The following IQSEC1 variants were observed in gnomAD, a reference collection of about 807,000 sequenced individuals.
The protein encoded by IQSEC1 is IQ motif and Sec7 domain ArfGEF 1, also known as IQ motif and SEC7 domain-containing protein 1.
A neutral mutation model predicts 91.0 loss-of-function variants in IQSEC1; 31 were observed. The observed-to-expected ratio is 0.34, with a 90% CI of 0.26 to 0.46. IQSEC1 has a LOEUF of 0.46. Among genes scored for constraint, IQSEC1 ranks in the 20% least tolerant of loss-of-function variants. The pLI is 1.00. For missense variants in IQSEC1, 1,388 were observed against 1,575.6 expected, an observed-to-expected ratio of 0.88 and a Z score of 2.02; for synonymous variants, 699 against 662.6, an observed-to-expected ratio of 1.05 and a Z score of -0.84.
intron 1 of IQSEC1, among the ~76,000 whole-genome samples, chr3:13,205,156 C>T (rs910628303): frequency 2.6e-5 from 4 of 152,064 alleles, no homozygotes; most frequent in Non-Finnish European, 4.4e-5. Context: ...TGACTTGGTA[C>T]TGCTACAGCG....
rs376531283 is a variant in IQSEC1, at chr3:13,221,588, G to A, written c.273-57455C>T. Among the ~76,000 whole-genome samples, 5 of 151,908 alleles carry A rather than the reference G, an allele frequency of 3.3e-5. No individual in the cohort carries two copies. In the East Asian group the frequency reaches 5.9e-4, roughly 18 times the overall value. The stretch of plus-strand genomic sequence containing the variant: ...GGAGGCCCTCCCAAGGCAAACCCAG[G>A]GGCCTAACAAGCTCAGACACTGCAG... On this transcript the variant is annotated intron_variant, in intron 1 of 15. Coordinates refer to the IQSEC1 transcript ENST00000648114.
rs781407575 is a variant in IQSEC1 at position 12,899,973 on chromosome 3, T to C, written c.*1010A>G. The C allele has an allele frequency of 1.6e-4, 159 of 985,252 alleles. No individual in the cohort carries two copies. Among genetic ancestry groups the C allele is most frequent in the East Asian group, 1.1e-4 (1 of 8,806 alleles). 61.0% of individuals were successfully genotyped at this position (985,252 alleles called of 1,614,324 possible). ...AAATCATATGCGCATAAAAGAAACA[T>C]GGATCATGGAGAGTCACAGTTATCG... On this transcript the variant is annotated 3_prime_UTR_variant, in exon 14 of 14. Coordinates refer to ENST00000613206, the MANE Select transcript of IQSEC1 (RefSeq NM_001134382.3).
chr3:13,136,399 A>G lies in IQSEC1; in HGVS notation c.302+27705T>C, dbSNP rs573073566. On this transcript the variant is annotated intron_variant, in intron 2 of 15. Transcript: ENST00000648114. Reference sequence around the variant, plus strand: ...GGCCGGGAATGATCCCTTAAACGAGAAACAAAAAGCTCGCCAAGCATTAAA... The same window carrying G: ...GGCCGGGAATGATCCCTTAAACGAGGAACAAAAAGCTCGCCAAGCATTAAA... 3.9e-5 allele frequency among the ~76,000 whole-genome samples: 6 copies of G among 152,286 alleles called. No homozygotes were observed. The South Asian group carries it at 8.3e-4, about 21-fold the overall frequency.
chr3:13,260,227 A>C (rs1202872720), intron 1 of IQSEC1, among the ~76,000 whole-genome samples: 1 of 152,190 alleles, frequency 6.6e-6, no homozygotes, highest in Non-Finnish European at 1.5e-5. Context: ...CCAGAGGCTT[A>C]ATTTGTATGA....
intron 1 of IQSEC1, among the ~76,000 whole-genome samples, chr3:12,946,273 C>G (rs937315903): frequency 1.3e-5 from 2 of 152,202 alleles, no homozygotes; most frequent in African/African-American, 4.8e-5. Flanking sequence ...TCCCAAAAAC[C>G]CAGCCCATTG....
intron 12 of IQSEC1, among the ~76,000 whole-genome samples, chr3:12,903,531 C>T (rs1243854663): frequency 2.6e-5 from 4 of 152,256 alleles, no homozygotes; most frequent in Non-Finnish European, 4.4e-5. Context: ...GCCAGGAGGT[C>T]TCTGCCAGCA....
intron 1 of IQSEC1, among the ~76,000 whole-genome samples, chr3:12,948,490 CCCCAGCCCCTCAG>C (rs1346909048): frequency 6.6e-6 from 1 of 152,208 alleles, no homozygotes; most frequent in African/African-American, 2.4e-5. Flanking sequence ...GACAGTCCAA[CCCCAGCCCCTCAG>C]CCCAGACCTG....
chr3:13,236,078 CT>C (rs1694923608), intron 1 of IQSEC1, among the ~76,000 whole-genome samples: 1 of 152,176 alleles, frequency 6.6e-6, no homozygotes, highest in African/African-American at 2.4e-5. Context: ...ATGCCGGGCC[CT>C]GGCGCCGTGC....
At chr3:13,033,686 A>G (rs1210940559) in intron 1 of IQSEC1, among the ~76,000 whole-genome samples, 1 of 152,152 alleles carries the variant, frequency 6.6e-6, no homozygotes, top group African/African-American at 2.4e-5. Flanking sequence ...CCGTGTTTCA[A>G]TCTGAGTCTG....
chr3:13,184,829 A>T (rs967560895), intron 1 of IQSEC1, among the ~76,000 whole-genome samples: 2 of 152,314 alleles, frequency 1.3e-5, no homozygotes, highest in Admixed American at 6.5e-5. Context: ...GAAGTGAAAA[A>T]GCAAGGGAGC....
Position 12,899,271 on chromosome 3 carries a change from A to G in IQSEC1, c.*1712T>C, listed in dbSNP as rs1360045405. ...TCCTCCTGCCGTCCGGCCACGGCTC[A>G]CCACGCTGTCCACTGGGAACGCGGC... On this transcript the variant is annotated 3_prime_UTR_variant, in exon 14 of 14. Transcript: ENST00000613206. 4 of 1,154,560 alleles carry G rather than the reference A, an allele frequency of 3.5e-6. No individual in the cohort carries two copies. Among genetic ancestry groups the G allele is most frequent in the Non-Finnish European group, 5.0e-6 (4 of 802,442 alleles). The allele number at this position is 1,154,560 out of a possible 1,614,324, so 71.5% of individuals were successfully genotyped here. A position where few individuals can be genotyped will look rare whatever the true frequency, so the allele number is the denominator to read the frequency against.
At chr3:13,138,520 A>G (rs1706748208) in intron 2 of IQSEC1, among the ~76,000 whole-genome samples, 1 of 151,164 alleles carries the variant, frequency 6.6e-6, no homozygotes, top group African/African-American at 2.4e-5. Context: ...AGGCTGTCCT[A>G]CTCCCACCAG....
chr3:13,236,220 ACTCAGGTGGGCGTGTGCC>A (rs1694926036), intron 1 of IQSEC1, among the ~76,000 whole-genome samples: 1 of 151,994 alleles, frequency 6.6e-6, no homozygotes, highest in Admixed American at 6.5e-5. Flanking sequence ...CAGAGCCTGC[ACTCAGGTGGGCGTGTGCC>A]CTCCAACCCT....
chr3:12,959,361 CA>C (rs1251931935), intron 1 of IQSEC1, among the ~76,000 whole-genome samples: 1 of 152,182 alleles, frequency 6.6e-6, no homozygotes, highest in African/African-American at 2.4e-5. Flanking sequence ...CAATACCATC[CA>C]GGGGACCCCC....
In IQSEC1 at chr3:12,967,133, C is replaced by T. The variant is rs1700625504; in HGVS notation, c.24-25268G>A. On this transcript the variant is annotated intron_variant, in intron 1 of 13. Transcript: ENST00000613206. This position sits in a 1 kb window ranked among gnomAD's most constrained non-coding sequence, Gnocchi z 5.9. ...ACACACACTCCCATCCTGAGACCCTCCCAGGGCACACACAGCGCTCCTGTC... is the reference window on the plus strand; with the variant it reads ...ACACACACTCCCATCCTGAGACCCTTCCAGGGCACACACAGCGCTCCTGTC... 6.6e-6 allele frequency among the ~76,000 whole-genome samples: 1 copy of T among 152,186 alleles called. No individual in the cohort carries two copies. Among genetic ancestry groups the T allele is most frequent in the African/African-American group, 2.4e-5 (1 of 41,440 alleles).
In IQSEC1 at chr3:12,922,107, G is replaced by A; in HGVS notation, c.1853+13C>T. 1.9e-6 allele frequency: 3 copies of A among 1,572,308 alleles called. No individual in the cohort carries two copies. Among genetic ancestry groups the A allele is most frequent in the South Asian group, 2.3e-5 (2 of 87,812 alleles). Reference sequence around the variant, plus strand: ...TTCCCTGATGCAGCAGCCCCAGCCAGCCCGGGCCCCACCTGAACGCCTCTA... The same window carrying A: ...TTCCCTGATGCAGCAGCCCCAGCCAACCCGGGCCCCACCTGAACGCCTCTA... On this transcript the variant is annotated intron_variant, in intron 5 of 13. Coordinates refer to ENST00000613206, the MANE Select transcript of IQSEC1 (RefSeq NM_001134382.3). This position sits in a 1 kb window ranked among gnomAD's most constrained non-coding sequence, Gnocchi z 5.1.
At chr3:13,157,903 C>G (rs996401344) in intron 2 of IQSEC1, among the ~76,000 whole-genome samples, 3 of 152,212 alleles carry the variant, frequency 2.0e-5, no homozygotes, top group African/African-American at 7.2e-5. Context: ...CCGATTTCAT[C>G]ATGGGGCAGA....
In IQSEC1 at chr3:12,967,499, C is replaced by T. The variant is rs1700660807; in HGVS notation, c.24-25634G>A. On this transcript the variant is annotated intron_variant, in intron 1 of 13. Coordinates refer to ENST00000613206, the MANE Select transcript of IQSEC1 (RefSeq NM_001134382.3). The surrounding 1 kb of genome is among the most constrained non-coding windows in gnomAD (Gnocchi z 5.9). ...CGGGCCGGGAGCCGGGACCCAGGCCCAGCAGAGGCCGCCGACTCCCGCCAG... is the reference window on the plus strand; with the variant it reads ...CGGGCCGGGAGCCGGGACCCAGGCCTAGCAGAGGCCGCCGACTCCCGCCAG... The T allele has an allele frequency of 6.9e-7, 1 of 1,445,402 alleles. No homozygotes were observed. The highest frequency in any genetic ancestry group is 1.5e-5 in the African/African-American group (1 of 67,008). The allele number at this position is 1,445,402 out of a possible 1,614,324, so 89.5% of individuals were successfully genotyped here.
intron 1 of IQSEC1, among the ~76,000 whole-genome samples, chr3:13,178,038 AC>A (rs1367574718): frequency 6.6e-6 from 1 of 152,098 alleles, no homozygotes; most frequent in East Asian, 1.9e-4. Context: ...CTGCCAAAAC[AC>A]CCTGAACACA....
Sources: gnomAD v4.1 joint callset for allele counts (sites outside exome capture counted in the v4.1 genomes callset) on GRCh38, gnomAD v4.1.1 for gene constraint, Gnocchi (gnomAD v3.1) non-coding constraint, MANE v1.5 for transcripts, NCBI Gene and HGNC (gene_info 2026-07-23, HGNC 2026-07-21) for gene names.